The following PPP2R5C variants were observed in gnomAD, a reference collection of about 807,000 sequenced individuals.
PPP2R5C encodes the protein protein phosphatase 2 regulatory subunit B'gamma.
Under a neutral mutation model 68.9 loss-of-function variants are expected in PPP2R5C, and 7 were observed. The observed-to-expected ratio is 0.10, with a 90% CI of 0.06 to 0.19. The LOEUF is 0.19. Among genes scored for constraint, PPP2R5C ranks in the 10% least tolerant of loss-of-function variants. The pLI is 1.00. For missense variants in PPP2R5C, 348 were observed against 641.3 expected (o/e 0.54, Z 4.94); for synonymous variants, 210 against 222.2 (o/e 0.95, Z 0.49).
At chr14:101,774,080 G>A (rs1044746379) in intron 2 of PPP2R5C, among the ~76,000 whole-genome samples, 24 of 152,250 alleles carry the variant, frequency 1.6e-4, no homozygotes, top group African/African-American at 5.8e-4. Context: ...TAGCTGCTAT[G>A]TGGGAACGAG....
chr14:101,887,937 T>G (rs996522488), intron 5 of PPP2R5C, among the ~76,000 whole-genome samples: 1 of 152,154 alleles, frequency 6.6e-6, no homozygotes, highest in Admixed American at 6.5e-5. Flanking sequence ...CCCAGGGATC[T>G]CTGTTTCCCT....
At chr14:101,800,953 G>A (rs979945452) in intron 3 of PPP2R5C, among the ~76,000 whole-genome samples, 3 of 152,204 alleles carry the variant, frequency 2.0e-5, no homozygotes, top group Non-Finnish European at 2.9e-5. Context: ...ATTGTGTTAC[G>A]TGAAATAAGC....
At chr14:101,858,703 T>C (rs1262655821) in intron 2 of PPP2R5C, among the ~76,000 whole-genome samples, 1 of 152,190 alleles carries the variant, frequency 6.6e-6, no homozygotes, top group Non-Finnish European at 1.5e-5. Flanking sequence ...AGTATATAAA[T>C]TCTATATTAA....
chr14:101,919,979 A>AC (rs72023751), intron 13 of PPP2R5C, among the ~76,000 whole-genome samples: 1 of 148,020 alleles, frequency 6.8e-6, no homozygotes, highest in African/African-American at 2.6e-5. Flanking sequence ...CAAAAAAAAA[A>AC]AAAAAAAAAA....
chr14:101,764,030 G>GTGTGTGTGTGTGTGTGTGTGTGTGTGT (rs1462659583), intron 2 of PPP2R5C, among the ~76,000 whole-genome samples: 15 of 146,142 alleles, frequency 1.0e-4, no homozygotes, highest in African/African-American at 3.8e-4. Flanking sequence ...TGTGTGTGTG[G>GTGTGTGTGTGTGTGTGTGTGTGTGTGT]GCGCGCGCAC....
chr14:101,921,054 CTTTTTTTTTTTTTTTTTTTT>C lies in PPP2R5C; in HGVS notation c.1443+3119_1443+3138del. The C allele has an allele frequency of 9.8e-5, 5 of 51,202 alleles. 1 individual carries two copies. The South Asian group carries it at 1.8e-3, about 19-fold the overall frequency. The allele number at this position is 51,202 out of a possible 1,614,324, so 3.2% of individuals were successfully genotyped here. On this transcript the variant is annotated intron_variant, in intron 13 of 13. Coordinates refer to ENST00000334743, the Ensembl canonical transcript of PPP2R5C. ...GTAATATTTGAAATGATAAATTCTG[CTTTTTTTTTTTTTTTTTTTT>C]TTTTTTTTTTTGAGACAGGGTCTTG...
At position 101,906,729 on chromosome 14, in the gene PPP2R5C, C is replaced by A; in HGVS notation, c.1151+200C>A. On this transcript the variant is annotated intron_variant, in intron 10 of 13. Transcript: ENST00000334743. This position sits in a 1 kb window ranked among gnomAD's most constrained non-coding sequence, Gnocchi z 4.0. ...AATTTACCACCTTATACCTTCATTC[C>A]TGCCAGTATAGAGGCACATTGGTTT... 1 of 640,532 alleles carries A rather than the reference C, an allele frequency of 1.6e-6. No homozygotes were observed. The highest frequency in any genetic ancestry group is 2.5e-6 in the Non-Finnish European group (1 of 396,942). The allele number at this position is 640,532 out of a possible 1,614,324, so 39.7% of individuals were successfully genotyped here. A position where few individuals can be genotyped will look rare whatever the true frequency, so the allele number is the denominator to read the frequency against.
Position 101,882,370 on chromosome 14 carries a change from C to T in PPP2R5C, c.405+99C>T. The T allele has an allele frequency of 1.2e-6, 1 of 800,924 alleles. No homozygotes were observed. Among genetic ancestry groups the T allele is most frequent in the Non-Finnish European group, 1.9e-6 (1 of 513,218 alleles). 49.6% of individuals were successfully genotyped at this position (800,924 alleles called of 1,614,324 possible). On this transcript the variant is annotated intron_variant, in intron 3 of 13. Coordinates refer to ENST00000334743, the Ensembl canonical transcript of PPP2R5C. This position sits in a 1 kb window ranked among gnomAD's most constrained non-coding sequence, Gnocchi z 4.9. ...CGCACTGGTCTGGCCAGATGGACCT[C>T]TCCTCCTCAGTAGCATGGGCCTCGT...
At chr14:101,875,349 T>C (rs2043696623) in intron 2 of PPP2R5C, among the ~76,000 whole-genome samples, 1 of 152,230 alleles carries the variant, frequency 6.6e-6, no homozygotes, top group Non-Finnish European at 1.5e-5. Context: ...CCAGTCATAC[T>C]TGAGATAAAT....
chr14:101,912,512 A>T (rs1191576341), intron 12 of PPP2R5C, 39 bp downstream of exon 14: 1 of 1,568,232 alleles, frequency 6.4e-7, no homozygotes, highest in African/African-American at 1.4e-5. Flanking sequence ...GCCCAGGGTT[A>T]CTTGAATGTT....
intron 2 of PPP2R5C, among the ~76,000 whole-genome samples, chr14:101,869,893 C>G (rs1566924684): frequency 6.6e-6 from 1 of 152,124 alleles, no homozygotes; most frequent in Non-Finnish European, 1.5e-5. Flanking sequence ...CTCAAGTGAT[C>G]CCCCTGCCTC....
At chr14:101,893,047 T>C (rs1333571903) in exon 7 of PPP2R5C, 1 of 1,612,090 alleles carries the variant, frequency 6.2e-7, no homozygotes, top group Non-Finnish European at 8.5e-7. Flanking sequence ...CACAAGATTT[T>C]CTTATTGAAG....
At chr14:101,779,087 T>G (rs779250755) in intron 2 of PPP2R5C, among the ~76,000 whole-genome samples, 7 of 152,090 alleles carry the variant, frequency 4.6e-5, no homozygotes, top group Admixed American at 6.6e-5. Context: ...ATAAAGTATC[T>G]GAAAAGACAT....
At position 101,885,073 on chromosome 14, in the gene PPP2R5C, C is replaced by T. The variant is rs1470465160; in HGVS notation, c.629+1511C>T. Among the ~76,000 whole-genome samples the T allele has an allele frequency of 3.3e-5, 5 of 152,234 alleles. No individual in the cohort carries two copies. In the South Asian group the frequency reaches 6.2e-4, roughly 19 times the overall value. On this transcript the variant is annotated intron_variant, in intron 5 of 13. Coordinates refer to ENST00000334743, the Ensembl canonical transcript of PPP2R5C. ...TGACACATCCTGGTGATGGTGGGGACGGTATGATGGCGTGTCTCTGTGAGA... is the reference window on the plus strand; with the variant it reads ...TGACACATCCTGGTGATGGTGGGGATGGTATGATGGCGTGTCTCTGTGAGA...
Position 101,795,142 on chromosome 14 carries a change from T to C in PPP2R5C, c.259+8959T>C, listed in dbSNP as rs2038548248. 2.0e-5 allele frequency among the ~76,000 whole-genome samples: 3 copies of C among 152,362 alleles called. No individual in the cohort carries two copies. In the South Asian group the frequency reaches 6.2e-4, roughly 32 times the overall value. Reference sequence around the variant, plus strand: ...GTTTTTCAGCTATTATAAATGATACTGTTCTGTTAATCTTTTGTTATCGTT... The same window carrying C: ...GTTTTTCAGCTATTATAAATGATACCGTTCTGTTAATCTTTTGTTATCGTT... On this transcript the variant is annotated intron_variant, in intron 3 of 14. Coordinates refer to the PPP2R5C transcript ENST00000328724.
At chr14:101,903,430 G>A (rs78277203) in intron 9 of PPP2R5C, among the ~76,000 whole-genome samples, 1,645 of 152,258 alleles carry the variant, frequency 0.011, 8 homozygotes, top group Middle Eastern at 0.031. Flanking sequence ...AAGCCTTCAC[G>A]TCCCTGCCAG....
rs2038651116 is a variant in PPP2R5C at position 101,797,174 on chromosome 14, G to A, written c.259+10991G>A. 2.2e-6 allele frequency: 1 copy of A among 455,888 alleles called. No individual in the cohort carries two copies. Among genetic ancestry groups the A allele is most frequent in the Non-Finnish European group, 4.4e-6 (1 of 226,808 alleles). The allele number at this position is 455,888 out of a possible 1,614,324, so 28.2% of individuals were successfully genotyped here. ...GGAATCGTACAGTATCTGTCTTTCT[G>A]TGCCTGGCTTATTTCCCTAAACATA... On this transcript the variant is annotated intron_variant, in intron 3 of 14. Coordinates refer to the PPP2R5C transcript ENST00000328724. This position sits in a 1 kb window ranked among gnomAD's most constrained non-coding sequence, Gnocchi z 4.2.
intron 1 of PPP2R5C, among the ~76,000 whole-genome samples, chr14:101,828,442 A>G (rs1262471197): frequency 6.6e-6 from 1 of 152,150 alleles, no homozygotes; most frequent in African/African-American, 2.4e-5. Context: ...TGATATAATG[A>G]TATATAAGAA....
At chr14:101,796,529 C>A (rs537860375) in intron 3 of PPP2R5C, 1 of 152,952 alleles carries the variant, frequency 6.5e-6, no homozygotes, top group East Asian at 1.9e-4. Context: ...GGAGTCACAG[C>A]GGTGTTCTAG....
Sources: gnomAD v4.1 joint callset for allele counts (sites outside exome capture counted in the v4.1 genomes callset) on GRCh38, gnomAD v4.1.1 for gene constraint, Gnocchi (gnomAD v3.1) non-coding constraint, MANE v1.5 for transcripts, NCBI Gene and HGNC (gene_info 2026-07-23, HGNC 2026-07-21) for gene names.